Variants in NFIB observed in about 807,000 individuals in gnomAD.
NFIB encodes the protein nuclear factor I B.
A neutral mutation model predicts 61.5 loss-of-function variants in NFIB; 11 were observed. That is an observed-to-expected ratio of 0.18 (90% CI 0.11 to 0.30). The LOEUF is 0.30. Ranked by LOEUF, NFIB falls within the 10% of genes least tolerant of loss-of-function variation. NFIB has a pLI of 1.00. For synonymous variants in NFIB, 260 were observed against 216.5 expected (o/e 1.20, Z -1.76); for missense variants, 471 against 608.9 (o/e 0.77, Z 2.38).
chr9:14,420,832 A>G, the NFIB span, among the ~76,000 whole-genome samples: 1 of 152,332 alleles, frequency 6.6e-6, no homozygotes, highest in African/African-American at 2.4e-5. Flanking sequence ...TATCTCGTCA[A>G]TCAGGAGGGA....
At chr9:14,524,515 G>T in the NFIB span, among the ~76,000 whole-genome samples, 1 of 152,136 alleles carries the variant, frequency 6.6e-6, no homozygotes, top group Non-Finnish European at 1.5e-5. Flanking sequence ...GTCTTTTGTG[G>T]TACAAGCTAA....
the NFIB span, among the ~76,000 whole-genome samples, chr9:14,515,492 C>T: frequency 6.6e-6 from 1 of 152,076 alleles, no homozygotes; most frequent in African/African-American, 2.4e-5. Context: ...ATGAGTGTTC[C>T]TCTAGCCAGG....
rs899989902 is a variant in NFIB at position 14,083,476 on chromosome 9, C to T, written c.*4833G>A. On this transcript the variant is annotated 3_prime_UTR_variant, in exon 11 of 11. Coordinates refer to ENST00000380953, the MANE Select transcript of NFIB (RefSeq NM_001190737.2). ...TACTATTGAACTTGAATAGCCTGCA[C>T]ATTAAAAAAAAAAAAAAAAAAAAAG... 8.5e-5 allele frequency: 10 copies of T among 117,550 alleles called. No homozygotes were observed. The highest frequency in any genetic ancestry group is 1.4e-4 in the Non-Finnish European group (9 of 63,572). The allele number at this position is 117,550 out of a possible 1,614,324, so 7.3% of individuals were successfully genotyped here.
chr9:14,442,435 T>C, the NFIB span, among the ~76,000 whole-genome samples: 1 of 152,076 alleles, frequency 6.6e-6, no homozygotes, highest in African/African-American at 2.4e-5. Context: ...AACACGGCCA[T>C]GTATTAGTCC....
chr9:14,501,409 TC>T, the NFIB span, among the ~76,000 whole-genome samples: 3 of 152,224 alleles, frequency 2.0e-5, no homozygotes, highest in Non-Finnish European at 4.4e-5. Flanking sequence ...AGTATTTTAA[TC>T]TTCTTTCTTC....
chr9:14,281,085 C>G (rs2058343058), intron 2 of NFIB, among the ~76,000 whole-genome samples: 1 of 152,086 alleles, frequency 6.6e-6, no homozygotes, highest in Admixed American at 6.6e-5. Context: ...GTTGTGAGAG[C>G]AGCAAAAATA....
intron 2 of NFIB, among the ~76,000 whole-genome samples, chr9:14,286,822 C>T (rs1351474970): frequency 6.6e-6 from 1 of 152,146 alleles, no homozygotes; most frequent in Non-Finnish European, 1.5e-5. Context: ...CTTTTAAATG[C>T]CATCATAAAG....
chr9:14,362,015 A>G (rs771693157), intron 1 of NFIB: 2 of 152,198 alleles, frequency 1.3e-5, no homozygotes, highest in African/African-American at 4.8e-5. Context: ...AAAATCATTG[A>G]TTTGTTCTTT....
chr9:14,505,531 T>C, the NFIB span, among the ~76,000 whole-genome samples: 1 of 152,174 alleles, frequency 6.6e-6, no homozygotes, highest in South Asian at 2.1e-4. Flanking sequence ...CACCCCCTGA[T>C]AACTGGGGAC....
chr9:14,136,493 G>T (rs972274145), intron 6 of NFIB, among the ~76,000 whole-genome samples: 1 of 152,100 alleles, frequency 6.6e-6, no homozygotes, highest in African/African-American at 2.4e-5. Flanking sequence ...GATACTGGAA[G>T]GGCTCTAATT....
chr9:14,431,793 C>T, the NFIB span, among the ~76,000 whole-genome samples: 2 of 152,134 alleles, frequency 1.3e-5, no homozygotes, highest in Admixed American at 1.3e-4. Flanking sequence ...GGAGAGAAAA[C>T]AGGAAGTGCT....
chr9:14,519,641 T>C, the NFIB span, among the ~76,000 whole-genome samples: 1 of 152,194 alleles, frequency 6.6e-6, no homozygotes. Flanking sequence ...TATGCCCTAC[T>C]TAGAGTTAAT....
the NFIB span, among the ~76,000 whole-genome samples, chr9:14,423,942 G>A: frequency 3.3e-5 from 5 of 152,088 alleles, no homozygotes; most frequent in South Asian, 2.1e-4. Flanking sequence ...AGGGCAACCC[G>A]GGTCGGCATG....
At chr9:14,334,536 T>G (rs1175269906) in intron 1 of NFIB, among the ~76,000 whole-genome samples, 1 of 152,184 alleles carries the variant, frequency 6.6e-6, no homozygotes, top group African/African-American at 2.4e-5. Context: ...TCTTCTACCT[T>G]TTTCTTGTTG....
At chr9:14,410,266 A>G in the NFIB span, among the ~76,000 whole-genome samples, 1 of 151,644 alleles carries the variant, frequency 6.6e-6, no homozygotes, top group African/African-American at 2.4e-5. Flanking sequence ...GGATATTGTT[A>G]TATGTTTGCA....
intron 10 of NFIB, among the ~76,000 whole-genome samples, chr9:14,107,468 A>T (rs1226604584): frequency 6.6e-6 from 1 of 152,112 alleles, no homozygotes; most frequent in African/African-American, 2.4e-5. Flanking sequence ...ATAGTCCATG[A>T]GCAGAATAAA....
At chr9:14,502,456 G>A in the NFIB span, among the ~76,000 whole-genome samples, 2 of 152,184 alleles carry the variant, frequency 1.3e-5, no homozygotes, top group Admixed American at 1.3e-4. Flanking sequence ...CCAGGGACAG[G>A]AAATCTAATA....
At chr9:14,431,851 C>G in the NFIB span, among the ~76,000 whole-genome samples, 1 of 152,228 alleles carries the variant, frequency 6.6e-6, no homozygotes, top group East Asian at 1.9e-4. Flanking sequence ...AAAGTTGAGT[C>G]CAGATTGATT....
At chr9:14,441,396 ATTTCG>A in the NFIB span, among the ~76,000 whole-genome samples, 1 of 151,942 alleles carries the variant, frequency 6.6e-6, no homozygotes, top group Non-Finnish European at 1.5e-5. Context: ...CAGGATGGAG[ATTTCG>A]TTTCTTTTCT....
Sources: gnomAD v4.1 joint callset for allele counts (sites outside exome capture counted in the v4.1 genomes callset) on GRCh38, gnomAD v4.1.1 for gene constraint, MANE v1.5 for transcripts, NCBI Gene and HGNC (gene_info 2026-07-23, HGNC 2026-07-21) for gene names.